Variants in ERC1 observed in about 807,000 individuals in gnomAD.
The protein encoded by ERC1 is RAB6 interacting protein 2.
ERC1 carries 56 observed loss-of-function variants against 132.0 expected under a neutral mutation model. The observed-to-expected ratio is 0.42, with a 90% CI of 0.34 to 0.53. The LOEUF is 0.53. Among genes scored for constraint, ERC1 ranks in the 20% least tolerant of loss-of-function variants. ERC1 has a pLI of 0.03. For missense variants in ERC1, 1,202 were observed against 1,349.9 expected (o/e 0.89, Z 1.72); for synonymous variants, 478 against 476.1 (o/e 1.00, Z -0.05).
At chr12:1,415,252 G>T (rs1303590343) in intron 17 of ERC1, among the ~76,000 whole-genome samples, 1 of 152,216 alleles carries the variant, frequency 6.6e-6, no homozygotes, top group Admixed American at 6.5e-5. Context: ...AGCAGTTTGT[G>T]TGAACTGGTG....
intron 14 of ERC1, among the ~76,000 whole-genome samples, chr12:1,273,244 C>G (rs941806673): frequency 6.6e-6 from 1 of 152,102 alleles, no homozygotes; most frequent in Non-Finnish European, 1.5e-5. Context: ...GAATTTGAAA[C>G]ATTTGTTTAA....
intron 13 of ERC1, among the ~76,000 whole-genome samples, chr12:1,240,038 A>G (rs1245622292): frequency 1.3e-5 from 2 of 152,220 alleles, no homozygotes; most frequent in East Asian, 1.9e-4. Context: ...TTAAGAACCT[A>G]TCAAAGACTA....
intron 12 of ERC1, among the ~76,000 whole-genome samples, chr12:1,220,209 T>G (rs1958845173): frequency 1.3e-5 from 2 of 152,224 alleles, no homozygotes; most frequent in African/African-American, 4.8e-5. Context: ...TTACATTGCT[T>G]GTTTTAATTT....
intron 2 of ERC1, among the ~76,000 whole-genome samples, chr12:1,055,051 TAAAAC>T (rs570803438): frequency 3.3e-5 from 5 of 152,228 alleles, no homozygotes; most frequent in African/African-American, 9.6e-5. Flanking sequence ...GACCCCTACC[TAAAAC>T]AAAACAAAAC....
chr12:1,091,773 G>GA (rs1405053697), intron 3 of ERC1, among the ~76,000 whole-genome samples: 1 of 152,174 alleles, frequency 6.6e-6, no homozygotes, highest in Non-Finnish European at 1.5e-5. Flanking sequence ...AGAATAAATG[G>GA]AGGAAGGAGA....
Position 1,491,756 on chromosome 12 carries a change from A to G in ERC1, c.*1526A>G, listed in dbSNP as rs2094320744. The G allele has an allele frequency of 4.3e-6, 1 of 231,682 alleles. No homozygotes were observed. 14.4% of individuals were successfully genotyped at this position (231,682 alleles called of 1,614,324 possible). A position where few individuals can be genotyped will look rare whatever the true frequency, so the allele number is the denominator to read the frequency against. ...GGAATTCAGCCAGCTTCATGTTGCA[A>G]ATCAGAAAGCTGACCCCAAGACTGC... is the stretch of plus-strand genomic sequence containing the variant. On this transcript the variant is annotated 3_prime_UTR_variant, in exon 19 of 19. Coordinates refer to ENST00000360905, the MANE Select transcript of ERC1 (RefSeq NM_178040.4).
At chr12:1,268,463 A>G (rs1050417429) in intron 14 of ERC1, among the ~76,000 whole-genome samples, 2 of 152,212 alleles carry the variant, frequency 1.3e-5, no homozygotes. Flanking sequence ...AGACTGAAGG[A>G]TGAACTTACA....
intron 8 of ERC1, among the ~76,000 whole-genome samples, chr12:1,157,983 A>G (rs1593808646): frequency 1.3e-5 from 2 of 152,336 alleles, no homozygotes; most frequent in South Asian, 2.1e-4. Context: ...GAGGAAATCA[A>G]TTCATTCATT....
intron 8 of ERC1, among the ~76,000 whole-genome samples, chr12:1,159,281 C>T (rs967949926): frequency 6.6e-6 from 1 of 152,142 alleles, no homozygotes; most frequent in African/African-American, 2.4e-5. Flanking sequence ...ATGAAACTGT[C>T]CCACGTCAGA....
intron 8 of ERC1, among the ~76,000 whole-genome samples, chr12:1,172,571 C>T (rs957724019): frequency 1.3e-5 from 2 of 152,112 alleles, no homozygotes; most frequent in African/African-American, 2.4e-5. Context: ...TATCACCCCC[C>T]TTCTATTATC....
chr12:1,132,563 C>G (rs1948865742), intron 7 of ERC1, among the ~76,000 whole-genome samples: 1 of 152,138 alleles, frequency 6.6e-6, no homozygotes, highest in African/African-American at 2.4e-5. Flanking sequence ...TAAAGTGCAG[C>G]TTGGGCATCT....
At position 1,409,969 on chromosome 12, in the gene ERC1, G is replaced by A. The variant is rs548210427; in HGVS notation, c.3024+1722G>A. ...GGTGATCTGCCCGCCTTGGCCTCCC[G>A]AAGTGCTAGGATTACAGGTATGAGC... is the stretch of plus-strand genomic sequence containing the variant. On this transcript the variant is annotated intron_variant, in intron 17 of 18. Coordinates refer to ENST00000360905, the MANE Select transcript of ERC1 (RefSeq NM_178040.4). 1.6e-3 allele frequency among the ~76,000 whole-genome samples: 248 copies of A among 152,062 alleles called. 1 individual carries two copies. Among genetic ancestry groups the A allele is most frequent in the Admixed American group, 4.2e-3 (64 of 15,276 alleles).
At position 1,490,369 on chromosome 12, in the gene ERC1, C is replaced by G; in HGVS notation, c.*139C>G. 1 of 797,630 alleles carries G rather than the reference C, an allele frequency of 1.3e-6. No individual in the cohort carries two copies. Among genetic ancestry groups the G allele is most frequent in the South Asian group, 1.8e-5 (1 of 54,836 alleles). 49.4% of individuals were successfully genotyped at this position (797,630 alleles called of 1,614,324 possible). A position where few individuals can be genotyped will look rare whatever the true frequency, so the allele number is the denominator to read the frequency against. On this transcript the variant is annotated 3_prime_UTR_variant, in exon 19 of 19. Coordinates refer to ENST00000360905, the MANE Select transcript of ERC1 (RefSeq NM_178040.4). ...CTTGCTCACTTGAAGAAGTGTGATT[C>G]CAGCACCGTTTCTACATCTGCCATC...
At chr12:1,302,458 C>T (rs969776777) in intron 15 of ERC1, among the ~76,000 whole-genome samples, 1 of 152,038 alleles carries the variant, frequency 6.6e-6, no homozygotes, top group African/African-American at 2.4e-5. Flanking sequence ...CTATTCAATA[C>T]TATATTGGAG....
intron 12 of ERC1, among the ~76,000 whole-genome samples, chr12:1,208,678 T>C (rs1957563266): frequency 6.6e-6 from 1 of 152,226 alleles, no homozygotes; most frequent in South Asian, 2.1e-4. Flanking sequence ...TGGCAGCTGT[T>C]GGCGTGTTCC....
chr12:1,469,830 A>C (rs73601903), intron 18 of ERC1, among the ~76,000 whole-genome samples: 2,473 of 151,978 alleles, frequency 0.016, 68 homozygotes, highest in African/African-American at 0.057. Flanking sequence ...AGCAATCCAA[A>C]ACTAGTAACA....
chr12:1,002,898 C>T (rs1299394851), intron 1 of ERC1, among the ~76,000 whole-genome samples: 1 of 151,074 alleles, frequency 6.6e-6, no homozygotes, highest in Non-Finnish European at 1.5e-5. Flanking sequence ...GATATGACCC[C>T]TTCTTTGGTT....
intron 15 of ERC1, among the ~76,000 whole-genome samples, chr12:1,300,028 A>G (rs1363519894): frequency 1.3e-5 from 2 of 152,228 alleles, no homozygotes; most frequent in East Asian, 3.8e-4. Context: ...AGCAAAAAGA[A>G]CAAAGCTGGA....
In ERC1 at chr12:1,289,763, T is replaced by C. The variant is rs1342519024; in HGVS notation, c.2620-89T>C. On this transcript the variant is annotated intron_variant, in intron 14 of 18. Transcript: ENST00000360905. Reference sequence around the variant, plus strand: ...AATGTGTTCCTGCGTCTCTTCAATTTTCTGGACCCAGGAGTTGCGTGTTAC... The same window carrying C: ...AATGTGTTCCTGCGTCTCTTCAATTCTCTGGACCCAGGAGTTGCGTGTTAC... 3 of 999,552 alleles carry C rather than the reference T, an allele frequency of 3.0e-6. No individual in the cohort carries two copies. In the African/African-American group the frequency reaches 4.8e-5, roughly 16 times the overall value. 61.9% of individuals were successfully genotyped at this position (999,552 alleles called of 1,614,324 possible).
Sources: gnomAD v4.1 joint callset for allele counts (sites outside exome capture counted in the v4.1 genomes callset) on GRCh38, gnomAD v4.1.1 for gene constraint, MANE v1.5 for transcripts, NCBI Gene and HGNC (gene_info 2026-07-23, HGNC 2026-07-21) for gene names.